THSD4: variants seen among roughly 807,000 people sequenced by gnomAD.
THSD4 encodes the protein thrombospondin type 1 domain containing 4.
A neutral mutation model predicts 119.0 loss-of-function variants in THSD4; 69 were observed. That is an observed-to-expected ratio of 0.58 (90% confidence interval 0.48 to 0.71). The LOEUF is 0.71. THSD4 is among the 30% of genes least tolerant of loss of function. THSD4 has a pLI of 0.00. For missense variants in THSD4, 1,393 were observed against 1,391.1 expected (o/e 1.00, Z -0.02); for synonymous variants, 524 against 540.4 (o/e 0.97, Z 0.42).
In THSD4 at chr15:71,586,116, G is replaced by A. The variant is rs1004068408; in HGVS notation, c.1153-74414G>A. ...ACTGATGTTCTATTAGTTTATTTTGGCGGTGTCATTTTTGCCTGATTCTTC... is the reference window on the plus strand; with the variant it reads ...ACTGATGTTCTATTAGTTTATTTTGACGGTGTCATTTTTGCCTGATTCTTC... On this transcript the variant is annotated intron_variant, in intron 7 of 17. Coordinates refer to ENST00000261862, the MANE Select transcript of THSD4 (RefSeq NM_024817.3). 6.6e-5 allele frequency among the ~76,000 whole-genome samples: 10 copies of A among 151,956 alleles called. 1 individual carries two copies. The highest frequency in any genetic ancestry group is 1.3e-4 in the Non-Finnish European group (9 of 68,018).
At chr15:71,613,190 G>T (rs1428881866) in intron 7 of THSD4, among the ~76,000 whole-genome samples, 1 of 152,016 alleles carries the variant, frequency 6.6e-6, no homozygotes, top group Admixed American at 6.6e-5. Flanking sequence ...AGTCTTGCAT[G>T]GGAAGAGTTT....
At chr15:71,114,005 T>G (rs1166805474), upstream of THSD4, among the ~76,000 whole-genome samples, 1 of 152,088 alleles carries the variant, frequency 6.6e-6, no homozygotes, top group Non-Finnish European at 1.5e-5. Flanking sequence ...TTTGGACCCA[T>G]GAGACTCGTG....
intron 2 of THSD4, among the ~76,000 whole-genome samples, chr15:71,144,364 G>A (rs1214612423): frequency 1.3e-5 from 2 of 152,160 alleles, no homozygotes; most frequent in Non-Finnish European, 2.9e-5. Flanking sequence ...TGGGGAAAAG[G>A]GCTGTGGGTT....
intron 7 of THSD4, among the ~76,000 whole-genome samples, chr15:71,545,773 C>CT (rs1555425249): frequency 6.6e-6 from 1 of 152,002 alleles, no homozygotes; most frequent in Non-Finnish European, 1.5e-5. Context: ...CTCACTATAC[C>CT]TTTTTTTCTC....
At chr15:71,645,493 G>A (rs2050951439) in intron 7 of THSD4, among the ~76,000 whole-genome samples, 1 of 152,138 alleles carries the variant, frequency 6.6e-6, no homozygotes, top group African/African-American at 2.4e-5. Context: ...CACCACACAT[G>A]AGATTTGGGT....
intron 6 of THSD4, among the ~76,000 whole-genome samples, chr15:71,312,351 T>G (rs2045122596): frequency 2.0e-5 from 3 of 147,088 alleles, no homozygotes; most frequent in Non-Finnish European, 1.5e-5. Context: ...GAGTGGGGAG[T>G]GGGGGGAGGG....
chr15:71,716,675 G>T (rs2052616808), intron 8 of THSD4, among the ~76,000 whole-genome samples: 1 of 151,594 alleles, frequency 6.6e-6, no homozygotes, highest in Non-Finnish European at 1.5e-5. Flanking sequence ...CGAGTGGGCT[G>T]TTATCCTGCC....
chr15:71,152,422 CAA>C (rs11312461), intron 2 of THSD4, among the ~76,000 whole-genome samples: 7 of 120,752 alleles, frequency 5.8e-5, no homozygotes, highest in Non-Finnish European at 5.4e-5. Context: ...ACTCTGTCTC[CAA>C]AAAAAAAAAA....
intron 6 of THSD4, among the ~76,000 whole-genome samples, chr15:71,372,135 C>T (rs1221495435): frequency 2.0e-5 from 3 of 152,316 alleles, no homozygotes; most frequent in East Asian, 3.9e-4. Context: ...TCCATCAGGT[C>T]ATTTAAGGAC....
intron 6 of THSD4, among the ~76,000 whole-genome samples, chr15:71,337,243 G>A (rs1305449048): frequency 6.6e-6 from 1 of 152,214 alleles, no homozygotes; most frequent in African/African-American, 2.4e-5. Flanking sequence ...AGCCAGGCCA[G>A]TGGTAGGGTC....
intron 3 of THSD4, among the ~76,000 whole-genome samples, chr15:71,192,408 G>T (rs959889765): frequency 1.3e-5 from 2 of 151,814 alleles, no homozygotes; most frequent in Non-Finnish European, 2.9e-5. Context: ...TCAAGTACCC[G>T]AGTGGCTGGG....
rs368170442 is a variant in THSD4 at position 71,497,227 on chromosome 15, A to G, written c.1152+85404A>G. 1.4e-4 allele frequency among the ~76,000 whole-genome samples: 21 copies of G among 152,296 alleles called. No homozygotes were observed. In the East Asian group the frequency reaches 1.5e-3, roughly 11 times the overall value. On this transcript the variant is annotated intron_variant, in intron 7 of 17. Transcript: ENST00000261862. ...ATGGCTATGTGTCTGAAAGGTATAT[A>G]TGTGGCCGGGCACGGTGGCTTATGC...
chr15:71,539,448 C>T (rs1157544417), intron 7 of THSD4, among the ~76,000 whole-genome samples: 1 of 152,196 alleles, frequency 6.6e-6, no homozygotes, highest in Non-Finnish European at 1.5e-5. Flanking sequence ...AAAGAATACA[C>T]ATTCTTTGCA....
intron 7 of THSD4, among the ~76,000 whole-genome samples, chr15:71,557,068 C>G (rs993626458): frequency 1.3e-5 from 2 of 152,150 alleles, no homozygotes; most frequent in African/African-American, 4.8e-5. Context: ...CTGATTTGCT[C>G]AAGAGAACAC....
chr15:71,747,155 C>G, intron 13 of THSD4, 113 bp downstream of exon 13: 1 of 1,261,640 alleles, frequency 7.9e-7, no homozygotes, highest in Admixed American at 2.1e-5. Context: ...AGGAGGGAAC[C>G]CGTCCCGTGG....
chr15:71,634,441 C>T (rs989492351), intron 7 of THSD4, among the ~76,000 whole-genome samples: 8 of 152,174 alleles, frequency 5.3e-5, no homozygotes, highest in Admixed American at 3.9e-4. Flanking sequence ...ACATGAAAGT[C>T]CCAGTCTTTG....
rs574867075 is a variant in THSD4 at position 71,132,818 on chromosome 15, G to T, written c.-79-8631G>T. Among the ~76,000 whole-genome samples the T allele has an allele frequency of 2.9e-3, 440 of 152,246 alleles. 4 individuals are homozygous for T. Among genetic ancestry groups the T allele is most frequent in the Non-Finnish European group, 4.3e-3 (290 of 68,020 alleles). ...CACGTATGTGTGTGTATGTGTGTAC[G>T]CTCATGCACAGATGTACACACGTGC... On this transcript the variant is annotated intron_variant, in intron 1 of 17. Coordinates refer to ENST00000261862, the MANE Select transcript of THSD4 (RefSeq NM_024817.3).
chr15:71,540,135 C>CTTTTTTTTT (rs35668266), intron 7 of THSD4, among the ~76,000 whole-genome samples: 2 of 95,156 alleles, frequency 2.1e-5, no homozygotes, highest in African/African-American at 3.6e-5. Flanking sequence ...ATTTTATTTA[C>CTTTTTTTTT]TTTTTTTTTT....
chr15:71,584,969 C>T (rs537424806), intron 7 of THSD4, among the ~76,000 whole-genome samples: 1 of 150,374 alleles, frequency 6.7e-6, no homozygotes, highest in East Asian at 1.9e-4. Flanking sequence ...TAAAAATCTA[C>T]ATTTTTAACT....
Sources: gnomAD v4.1 joint callset for allele counts (sites outside exome capture counted in the v4.1 genomes callset) on GRCh38, gnomAD v4.1.1 for gene constraint, MANE v1.5 for transcripts, NCBI Gene and HGNC (gene_info 2026-07-23, HGNC 2026-07-21) for gene names.